The following GRM7 variants were observed in gnomAD, a reference collection of about 807,000 sequenced individuals.
The protein encoded by GRM7 is metabotropic glutamate receptor 7.
GRM7 carries 35 observed loss-of-function variants against 84.5 expected under a neutral mutation model. The observed-to-expected ratio is 0.41, with a 90% confidence interval of 0.32 to 0.55. GRM7 has a LOEUF of 0.55. GRM7 is among the 20% of genes least tolerant of loss of function. The pLI is 0.19. For missense variants in GRM7, 1,003 were observed against 1,194.6 expected (o/e 0.84, Z 2.36); for synonymous variants, 487 against 455.1 (o/e 1.07, Z -0.89).
intron 1 of GRM7, among the ~76,000 whole-genome samples, chr3:7,101,398 A>G (rs998564391): frequency 3.3e-5 from 5 of 151,796 alleles, no homozygotes; most frequent in South Asian, 2.1e-4. Context: ...TCGTATATCA[A>G]TATATTGCTA....
intron 4 of GRM7, among the ~76,000 whole-genome samples, chr3:7,411,752 A>T (rs779864): frequency 6.6e-6 from 1 of 152,144 alleles, no homozygotes; most frequent in East Asian, 1.9e-4. Context: ...GTATTACCAC[A>T]CTACACATTC....
chr3:6,885,580 G>A (rs1463463814), intron 1 of GRM7, among the ~76,000 whole-genome samples: 1 of 152,132 alleles, frequency 6.6e-6, no homozygotes, highest in African/African-American at 2.4e-5. Flanking sequence ...GCCTAGTCCT[G>A]CCTCCTACCA....
chr3:7,298,208 A>T (rs186206710), intron 2 of GRM7, among the ~76,000 whole-genome samples: 394 of 152,244 alleles, frequency 2.6e-3, no homozygotes, highest in Middle Eastern at 6.8e-3. Context: ...TTCCACTGGA[A>T]TTGATCTTTA....
intron 1 of GRM7, among the ~76,000 whole-genome samples, chr3:6,927,334 A>G (rs1697332438): frequency 6.6e-6 from 1 of 152,026 alleles, no homozygotes; most frequent in Non-Finnish European, 1.5e-5. Context: ...AGGCTGAGGC[A>G]GGAGAAGTGC....
chr3:7,124,009 GCCTTTTTCTAGT>G, intron 1 of GRM7, among the ~76,000 whole-genome samples: 1 of 152,120 alleles, frequency 6.6e-6, no homozygotes, highest in African/African-American at 2.4e-5. Context: ...TTGATCTAGT[GCCTTTTTCTAGT>G]CTAGAAATTT....
chr3:7,565,521 T>C (rs979331907), intron 7 of GRM7, among the ~76,000 whole-genome samples: 2 of 152,214 alleles, frequency 1.3e-5, no homozygotes, highest in African/African-American at 4.8e-5. Flanking sequence ...TAAAGGTTAT[T>C]TCATATTGTG....
At chr3:7,713,114 ATTTTGTTTTGTTTTTT>A (rs1701639590) in intron 9 of GRM7, among the ~76,000 whole-genome samples, 2 of 129,854 alleles carry the variant, frequency 1.5e-5, no homozygotes, top group African/African-American at 6.2e-5. Context: ...GAGGATTCGA[ATTTTGTTTTGTTTTTT>A]TTTTTTTTTT....
chr3:7,616,218 G>T (rs543740715), intron 8 of GRM7, among the ~76,000 whole-genome samples: 1 of 151,934 alleles, frequency 6.6e-6, no homozygotes, highest in African/African-American at 2.4e-5. Flanking sequence ...GCATCATTTC[G>T]CACATATTTT....
intron 1 of GRM7, among the ~76,000 whole-genome samples, chr3:7,048,234 CATGGCCTTTTT>C (rs1696870825): frequency 6.6e-6 from 1 of 151,976 alleles, no homozygotes; most frequent in Non-Finnish European, 1.5e-5. Context: ...ATAACTGAGT[CATGGCCTTTTT>C]ATAAGTTGGA....
intron 1 of GRM7, among the ~76,000 whole-genome samples, chr3:6,954,755 A>G (rs144615869): frequency 2.0e-5 from 3 of 152,342 alleles, no homozygotes; most frequent in African/African-American, 4.8e-5. Context: ...AACATTATCA[A>G]TGGAGAGAGA....
chr3:7,389,229 G>T (rs1310293270), intron 4 of GRM7, among the ~76,000 whole-genome samples: 2 of 152,072 alleles, frequency 1.3e-5, no homozygotes, highest in African/African-American at 2.4e-5. Context: ...ATTGCATTGT[G>T]GTCTGAAAAG....
At chr3:7,202,351 GAC>G (rs1278818760) in intron 2 of GRM7, among the ~76,000 whole-genome samples, 1 of 152,070 alleles carries the variant, frequency 6.6e-6, no homozygotes, top group African/African-American at 2.4e-5. Context: ...TTTGTTTTGA[GAC>G]AGAGTCTCAC....
chr3:7,386,506 A>G (rs181298066), intron 4 of GRM7, among the ~76,000 whole-genome samples: 1 of 152,272 alleles, frequency 6.6e-6, no homozygotes, highest in Admixed American at 6.5e-5. Context: ...GCTCCCACTT[A>G]TAAGTGAGAA....
chr3:7,432,465 C>T (rs1320630101), intron 5 of GRM7, among the ~76,000 whole-genome samples: 1 of 152,012 alleles, frequency 6.6e-6, no homozygotes, highest in Non-Finnish European at 1.5e-5. Context: ...GGACTACAGG[C>T]ATGTGCCACC....
intron 9 of GRM7, among the ~76,000 whole-genome samples, chr3:7,687,183 GA>G (rs1381594384): frequency 6.6e-6 from 1 of 152,092 alleles, no homozygotes; most frequent in Non-Finnish European, 1.5e-5. Flanking sequence ...TTATACCCAA[GA>G]AATACCAATA....
intron 2 of GRM7, among the ~76,000 whole-genome samples, chr3:7,185,565 T>C (rs1253393591): frequency 6.6e-6 from 1 of 152,122 alleles, no homozygotes; most frequent in Non-Finnish European, 1.5e-5. Flanking sequence ...GGTGAGCCTA[T>C]TAGAAAGTAG....
intron 1 of GRM7, among the ~76,000 whole-genome samples, chr3:7,094,557 C>T (rs565657842): frequency 6.2e-4 from 95 of 152,258 alleles, no homozygotes; most frequent in Middle Eastern, 3.4e-3. Context: ...TACTCTTTTC[C>T]CTGTACTAGT....
intron 8 of GRM7, among the ~76,000 whole-genome samples, chr3:7,616,328 G>A (rs1372260801): frequency 6.6e-6 from 1 of 152,070 alleles, no homozygotes; most frequent in Admixed American, 6.6e-5. Flanking sequence ...ATAATTTCAA[G>A]TGCATAAATC....
intron 7 of GRM7, among the ~76,000 whole-genome samples, chr3:7,508,219 G>A (rs1700093527): frequency 6.6e-6 from 1 of 152,078 alleles, no homozygotes; most frequent in Admixed American, 6.6e-5. Context: ...AGGGTTTAGT[G>A]ATAAAATACC....
Sources: allele counts gnomAD v4.1 joint callset (sites outside exome capture counted in the v4.1 genomes callset), GRCh38; gene constraint gnomAD v4.1.1; transcripts MANE v1.5; gene names NCBI Gene and HGNC (gene_info 2026-07-23, HGNC 2026-07-21).